Variants in MCF2L observed in about 807,000 individuals in gnomAD.
MCF2L encodes the protein MCF.2 cell line derived transforming sequence like.
Under a neutral mutation model 153.4 loss-of-function variants are expected in MCF2L, and 97 were observed. The ratio of observed to expected loss-of-function variants is 0.63; its 90% CI spans 0.54 to 0.75. The LOEUF (loss-of-function observed/expected upper bound fraction) is 0.75. Ranked by LOEUF, MCF2L falls within the 30% of genes least tolerant of loss-of-function variation. The pLI, the probability that MCF2L is intolerant of heterozygous loss-of-function variation, is 0.00. For missense variants in MCF2L, 1,347 were observed against 1,495.2 expected, an observed-to-expected ratio of 0.90 and a Z score of 1.64; for synonymous variants, 659 against 632.2, an observed-to-expected ratio of 1.04 and a Z score of -0.64.
rs1432949343 is a variant in MCF2L, at chr13:113,064,582, G to A, written c.606+162G>A. 3.5e-6 allele frequency: 2 copies of A among 570,534 alleles called. No individual in the cohort carries two copies. Among genetic ancestry groups the A allele is most frequent in the Non-Finnish European group, 3.1e-6 (1 of 317,620 alleles). 35.3% of individuals were successfully genotyped at this position (570,534 alleles called of 1,614,324 possible). ...ATGGTCTCAGTGGACCTTAGTCATT[G>A]TAAAGAAGTAACGTGAGTCATAAGT... On this transcript the variant is annotated intron_variant, in intron 6 of 29. Transcript: ENST00000535094. The surrounding 1 kb of genome is among the most constrained non-coding windows in gnomAD (Gnocchi z 6.0).
Position 113,090,195 on chromosome 13 carries a change from C to A in MCF2L, c.2953+467C>A, listed in dbSNP as rs372493221. 128 of 1,498,444 alleles carry A rather than the reference C, an allele frequency of 8.5e-5. 1 individual carries two copies. In the Admixed American group the frequency reaches 1.4e-3, roughly 16 times the overall value. 92.8% of individuals were successfully genotyped at this position (1,498,444 alleles called of 1,614,324 possible). A position where few individuals can be genotyped will look rare whatever the true frequency, so the allele number is the denominator to read the frequency against. On this transcript the variant is annotated intron_variant, in intron 26 of 29. Coordinates refer to ENST00000535094, the MANE Select transcript of MCF2L (RefSeq NM_001112732.3). The stretch of plus-strand genomic sequence containing the variant: ...GTGCCTGCCCCAAACCCACCCTCAC[C>A]GTGGTGGCGTCTGTCATGCATCGTG...
chr13:113,033,399 G>A (rs909484671), intron 3 of MCF2L, among the ~76,000 whole-genome samples: 2 of 29,704 alleles, frequency 6.7e-5, no homozygotes, highest in Non-Finnish European at 1.5e-4. Flanking sequence ...CCCGTGATGT[G>A]AGTGGACCCC....
intron 3 of MCF2L, among the ~76,000 whole-genome samples, chr13:113,026,448 G>A (rs58727379): frequency 0.014 from 2,067 of 152,340 alleles, 62 homozygotes; most frequent in African/African-American, 0.047. Context: ...TTTCGCTCCT[G>A]AGCTGCCGTT....
intron 3 of MCF2L, among the ~76,000 whole-genome samples, chr13:113,026,550 C>A (rs2085321707): frequency 1.3e-5 from 2 of 152,192 alleles, no homozygotes. Context: ...CCCTCGTATA[C>A]CATCACTGCG....
At position 113,070,305 on chromosome 13, in the gene MCF2L, G is replaced by T. The variant is rs974054772; in HGVS notation, c.996+132G>T. ...TTTGGCTTAATGCAGAAAAGTCTCCGCTTGCCAGGTGGAGCCTGTGAGATT... is the reference window on the plus strand; with the variant it reads ...TTTGGCTTAATGCAGAAAAGTCTCCTCTTGCCAGGTGGAGCCTGTGAGATT... On this transcript the variant is annotated intron_variant, in intron 9 of 29. Transcript: ENST00000535094. The surrounding 1 kb of genome is among the most constrained non-coding windows in gnomAD (Gnocchi z 5.6). 1 of 535,402 alleles carries T rather than the reference G, an allele frequency of 1.9e-6. No individual in the cohort carries two copies. Among genetic ancestry groups the T allele is most frequent in the East Asian group, 3.6e-5 (1 of 27,508 alleles). 33.2% of individuals were successfully genotyped at this position (535,402 alleles called of 1,614,324 possible). A position where few individuals can be genotyped will look rare whatever the true frequency, so the allele number is the denominator to read the frequency against.
At chr13:112,966,320 C>A (rs143893762), upstream of MCF2L, among the ~76,000 whole-genome samples, 17 of 152,326 alleles carry the variant, frequency 1.1e-4, no homozygotes, top group African/African-American at 3.8e-4. The surrounding 1 kb of genome is among the most constrained non-coding windows in gnomAD (Gnocchi z 4.1). Context: ...GGTCCAGGGG[C>A]AGCTGGGGAC....
Position 113,031,859 on chromosome 13 carries a change from G to C in MCF2L, c.278+7101G>C, listed in dbSNP as rs1018425392. Among the ~76,000 whole-genome samples the C allele has an allele frequency of 8.7e-6, 1 of 114,850 alleles. No homozygotes were observed. Among genetic ancestry groups the C allele is most frequent in the African/African-American group, 3.3e-5 (1 of 30,130 alleles). 75.3% of individuals were successfully genotyped at this position (114,850 alleles called of 152,430 possible). ...TGCACACACGCACCTACACAGGCTT[G>C]CACATGCCACACACACACACACACA... On this transcript the variant is annotated intron_variant, in intron 3 of 29. Coordinates refer to ENST00000535094, the MANE Select transcript of MCF2L (RefSeq NM_001112732.3). The surrounding 1 kb of genome is among the most constrained non-coding windows in gnomAD (Gnocchi z 5.5).
chr13:112,980,246 A>C (rs2082360946), intron 1 of MCF2L, among the ~76,000 whole-genome samples: 1 of 152,164 alleles, frequency 6.6e-6, no homozygotes. Context: ...AACAGCCTAA[A>C]CTCTCACAAG....
intron 1 of MCF2L, among the ~76,000 whole-genome samples, chr13:112,995,442 T>C (rs1375982655): frequency 6.6e-6 from 1 of 152,214 alleles, no homozygotes; most frequent in African/African-American, 2.4e-5. Flanking sequence ...TTAGTACGTG[T>C]TGGCACTGCA....
intron 2 of MCF2L, chr13:112,957,491 G>A (rs1259282870): frequency 6.6e-6 from 1 of 151,022 alleles, no homozygotes; most frequent in African/African-American, 2.4e-5. Flanking sequence ...GGGGTCCTGA[G>A]CCACGTGAGC....
chr13:112,966,443 C>T (rs994588801), upstream of MCF2L, among the ~76,000 whole-genome samples: 5 of 152,156 alleles, frequency 3.3e-5, no homozygotes, highest in South Asian at 6.2e-4. This position sits in a 1 kb window ranked among gnomAD's most constrained non-coding sequence, Gnocchi z 4.1. Context: ...GGCCCACCCA[C>T]GTTATGTCAC....
intron 17 of MCF2L, among the ~76,000 whole-genome samples, chr13:113,083,041 C>A (rs989309095): frequency 2.0e-5 from 3 of 152,210 alleles, no homozygotes; most frequent in Admixed American, 6.5e-5. Context: ...CCCGAGCGAC[C>A]CGTGGCCTCT....
chr13:112,983,706 G>C lies in MCF2L; in HGVS notation c.79+14248G>C, dbSNP rs185206990. On this transcript the variant is annotated intron_variant, in intron 1 of 29. Transcript: ENST00000535094. This position sits in a 1 kb window ranked among gnomAD's most constrained non-coding sequence, Gnocchi z 4.0. ...GTGACGGACACTTCAGTGCTCTGAC[G>C]CACTGTGGCCCCGGGGAAGCGTGGT... 1.3e-5 allele frequency among the ~76,000 whole-genome samples: 2 copies of C among 152,242 alleles called. No homozygotes were observed. The highest frequency in any genetic ancestry group is 1.5e-5 in the Non-Finnish European group (1 of 68,052).
intron 1 of MCF2L, among the ~76,000 whole-genome samples, chr13:112,974,640 G>A (rs976910438): frequency 2.0e-5 from 3 of 152,210 alleles, no homozygotes; most frequent in Non-Finnish European, 4.4e-5. Flanking sequence ...AGATACTGGA[G>A]GATGAACTCC....
At chr13:112,967,855 T>C (rs988530983), upstream of MCF2L, 51 of 166,284 alleles carry the variant, frequency 3.1e-4, no homozygotes, top group Non-Finnish European at 5.6e-4. Context: ...GCATGCCCTG[T>C]TGGACTCTGG....
rs576756589 is a variant in MCF2L at position 112,898,376 on chromosome 13, C to T, written c.-4-3823C>T. ...GGTGGGCGCGTGTTTGTTTTGTTCG[C>T]TTGGAACCTGTGTGCGGAGGAGGCT... is the stretch of plus-strand genomic sequence containing the variant. On this transcript the variant is annotated intron_variant, in intron 1 of 29. Coordinates refer to the MCF2L transcript ENST00000375608. 7.2e-5 allele frequency among the ~76,000 whole-genome samples: 11 copies of T among 152,302 alleles called. No homozygotes were observed. In the South Asian group the frequency reaches 1.9e-3, roughly 26 times the overall value.
chr13:112,969,410 G>A lies in MCF2L; in HGVS notation c.31G>A (p.Ala11Thr), dbSNP rs2081966664. ...GTTTTGGCTGAGGACTGAAGAGATG[G>A]CCTTGGAAGAAATGGTGCAGAGATT... MRFWLRTEEM[A>T]LEEMVQRLNA... The change falls in exon 1 of 30, where the codon GCC becomes ACC. Residue 11 changes from alanine (A) to threonine (T), a missense_variant. Ala to Thr is a moderately conservative substitution (Grantham distance 58). Coordinates refer to ENST00000535094, the MANE Select transcript of MCF2L (RefSeq NM_001112732.3). This position sits in a 1 kb window ranked among gnomAD's most constrained non-coding sequence, Gnocchi z 4.8. 3.9e-6 allele frequency: 6 copies of A among 1,550,476 alleles called. No homozygotes were observed. Among genetic ancestry groups the A allele is most frequent in the Non-Finnish European group, 5.2e-6 (6 of 1,146,912 alleles).
rs373886225 is a variant in MCF2L, at chr13:113,096,516, G to T, written c.3188+33G>T. ...CCCGCGCTCAGCCCCGGACTGCCCC[G>T]CACGTGGCTGCCGCTGACCCTCGCC... On this transcript the variant is annotated intron_variant, in intron 28 of 29. Coordinates refer to ENST00000535094, the MANE Select transcript of MCF2L (RefSeq NM_001112732.3). The T allele has an allele frequency of 2.5e-6, 4 of 1,582,616 alleles. No homozygotes were observed. In the South Asian group the frequency reaches 3.5e-5, roughly 14 times the overall value.
intron 2 of MCF2L, among the ~76,000 whole-genome samples, chr13:112,914,316 C>T (rs1363398980): frequency 2.0e-5 from 3 of 152,212 alleles, no homozygotes; most frequent in African/African-American, 7.2e-5. Flanking sequence ...ACGCTTCTCC[C>T]CTCGCTCTGT....
Sources: allele counts gnomAD v4.1 joint callset (sites outside exome capture counted in the v4.1 genomes callset), GRCh38; gene constraint gnomAD v4.1.1; non-coding constraint Gnocchi (gnomAD v3.1); transcripts MANE v1.5; gene names NCBI Gene and HGNC (gene_info 2026-07-23, HGNC 2026-07-21).